FAM120A: variants seen among roughly 807,000 people sequenced by gnomAD.
FAM120A encodes constitutive coactivator of PPAR-gamma-like protein 1.
A neutral mutation model predicts 109.7 loss-of-function variants in FAM120A; 15 were observed. That is an observed-to-expected ratio of 0.14 (90% CI 0.09 to 0.21). The LOEUF is 0.21. FAM120A is among the 10% of genes least tolerant of loss of function. The pLI is 1.00. For missense variants in FAM120A, 899 were observed against 1,439.3 expected (o/e 0.62, Z 6.07); for synonymous variants, 493 against 572.8 (o/e 0.86, Z 1.99).
intron 15 of FAM120A, among the ~76,000 whole-genome samples, chr9:93,560,737 G>C (rs987105493): frequency 6.6e-6 from 1 of 152,240 alleles, no homozygotes; most frequent in African/African-American, 2.4e-5. Flanking sequence ...ATGATGTTCA[G>C]TTAAGGTAGT....
In FAM120A at chr9:93,558,575, C is replaced by T. The variant is rs1437158514; in HGVS notation, c.2669-6C>T. 1 of 1,614,090 alleles carries T rather than the reference C, an allele frequency of 6.2e-7. No homozygotes were observed. The highest frequency in any genetic ancestry group is 1.1e-5 in the South Asian group (1 of 91,086). ...CTCCCCTCTCTCTCTACCCCGGGTC[C>T]CACAGGCGTCTGTGGCTTTGGAGGC... On this transcript the variant is annotated splice_region_variant and splice_polypyrimidine_tract_variant and intron_variant, in intron 14 of 17. Transcript: ENST00000277165.
intron 1 of FAM120A, among the ~76,000 whole-genome samples, chr9:93,462,660 C>G (rs1348203306): frequency 1.3e-5 from 2 of 152,200 alleles, no homozygotes; most frequent in Non-Finnish European, 2.9e-5. Context: ...TCATCCCAAA[C>G]TGGAACTGTG....
rs1219720409 is a variant in FAM120A at position 93,514,517 on chromosome 9, C to G, written c.1031-1150C>G. Among the ~76,000 whole-genome samples the G allele has an allele frequency of 3.3e-5, 5 of 152,330 alleles. No homozygotes were observed. In the East Asian group the frequency reaches 9.6e-4, roughly 29 times the overall value. On this transcript the variant is annotated intron_variant, in intron 5 of 17. Transcript: ENST00000277165. ...CAAGCCCCTGGTGGATCTGTTGTGT[C>G]TCACACAGGTTTTCTATTTTCTCTG...
rs76262634 is a variant in FAM120A at position 93,556,825 on chromosome 9, G to A, written c.2484+234G>A. Among the ~76,000 whole-genome samples the A allele has an allele frequency of 6.7e-3, 1,017 of 152,230 alleles. 15 individuals carry two copies. Among genetic ancestry groups the A allele is most frequent in the African/African-American group, 0.024 (981 of 41,542 alleles). ...TAATGTTCTAAAATTCACCTTGAAC[G>A]CCAAATTAGTGAATACTGACCATTG... On this transcript the variant is annotated intron_variant, in intron 13 of 17. Transcript: ENST00000277165.
intron 1 of FAM120A, among the ~76,000 whole-genome samples, chr9:93,465,798 C>G (rs1354327504): frequency 6.6e-6 from 1 of 152,068 alleles, no homozygotes; most frequent in Non-Finnish European, 1.5e-5. Context: ...TTTTCTGTTC[C>G]GGGACCCTGG....
chr9:93,452,138 C>T lies in FAM120A; in HGVS notation c.223C>T (p.Leu75Phe), dbSNP rs1461832158. The T allele has an allele frequency of 1.2e-6, 2 of 1,611,622 alleles. No individual in the cohort carries two copies. Among genetic ancestry groups the T allele is most frequent in the Non-Finnish European group, 1.7e-6 (2 of 1,179,770 alleles). The change falls in exon 1 of 18, where the codon CTT becomes TTT. Residue 75 changes from leucine to phenylalanine, a missense_variant. This residue lies in a region of FAM120A where 258 missense variants were observed against 451.4 expected (regional missense o/e 0.57). Transcript: ENST00000277165. The surrounding 1 kb of genome is among the most constrained non-coding windows in gnomAD (Gnocchi z 7.0). ...WVSGGQWNHMLGYLAALAKAC... is the reference protein window; with the variant it reads ...WVSGGQWNHMFGYLAALAKAC... ...CAGCGGCGGCCAGTGGAACCACATG[C>T]TTGGCTACCTGGCGGCGCTGGCCAA...
Position 93,556,500 on chromosome 9 carries a change from C to T in FAM120A, c.2393C>T (p.Pro798Leu). 6.2e-7 allele frequency: 1 copy of T among 1,614,180 alleles called. No individual in the cohort carries two copies. The highest frequency in any genetic ancestry group is 1.3e-5 in the African/African-American group (1 of 75,032). ...CCAATCCCCTGGGAACACTGTTGTC[C>T]TTGGATGTATTTTGATGGGAAGCTC... ...GQPIPWEHCC[P>L]WMYFDGKLFQ... Residue 798 changes from proline to leucine, a missense_variant, in exon 13 of 18, where the codon CCT (proline) becomes CTT (leucine). This residue lies in a region of FAM120A where 31 missense variants were observed against 73.0 expected (regional missense o/e 0.42). Coordinates refer to ENST00000277165, the MANE Select transcript of FAM120A (RefSeq NM_014612.5).
At chr9:93,561,983 C>A (rs1043699729) in intron 16 of FAM120A, among the ~76,000 whole-genome samples, 1 of 152,168 alleles carries the variant, frequency 6.6e-6, no homozygotes, top group Non-Finnish European at 1.5e-5. Context: ...CCTGTTTACG[C>A]CTAGTGTTCC....
chr9:93,520,365 C>T (rs550616727), intron 7 of FAM120A, among the ~76,000 whole-genome samples: 30 of 152,246 alleles, frequency 2.0e-4, no homozygotes, highest in African/African-American at 7.0e-4. Context: ...CTCATCTCAT[C>T]TCTTAAAGGT....
intron 2 of FAM120A, 112 bp downstream of exon 2, chr9:93,471,499 A>C: frequency 7.4e-7 from 1 of 1,356,384 alleles, no homozygotes; most frequent in East Asian, 2.3e-5. Flanking sequence ...ACACATTGAA[A>C]AGAACCAAGG....
chr9:93,473,751 T>A (rs116456157), intron 2 of FAM120A, among the ~76,000 whole-genome samples: 1,619 of 152,350 alleles, frequency 0.011, 33 homozygotes, highest in African/African-American at 0.036. Flanking sequence ...CTCTTGTGCC[T>A]TTGGGGATTT....
intron 2 of FAM120A, among the ~76,000 whole-genome samples, chr9:93,473,204 A>T (rs756154843): frequency 1.3e-5 from 2 of 151,954 alleles, no homozygotes; most frequent in East Asian, 1.9e-4. Flanking sequence ...TTTAGTAGAG[A>T]CAGGGTTTCA....
chr9:93,474,222 CTG>C (rs1436137740), intron 2 of FAM120A, among the ~76,000 whole-genome samples: 4 of 152,084 alleles, frequency 2.6e-5, no homozygotes, highest in Admixed American at 2.6e-4. Flanking sequence ...GAGTCTCTCT[CTG>C]TTGCCTAGGC....
intron 3 of FAM120A, among the ~76,000 whole-genome samples, chr9:93,482,126 C>A (rs1274597345): frequency 6.6e-6 from 1 of 151,904 alleles, no homozygotes; most frequent in Non-Finnish European, 1.5e-5. Context: ...CCCTGAGGCA[C>A]CCGTATACCG....
Position 93,564,394 on chromosome 9 carries a change from G to A in FAM120A, c.3211G>A (p.Ala1071Thr), listed in dbSNP as rs756652801. 1.2e-5 allele frequency: 19 copies of A among 1,613,354 alleles called. No individual in the cohort carries two copies. Among genetic ancestry groups the A allele is most frequent in the Admixed American group, 8.3e-5 (5 of 59,998 alleles). ...CCAGATGAACGGGAGCACGGGTGACGCCAGGGCCCCCAGCCACTCTGAAAG... is the reference window on the plus strand; with the variant it reads ...CCAGATGAACGGGAGCACGGGTGACACCAGGGCCCCCAGCCACTCTGAAAG... The part of the protein sequence containing the change: ...APQMNGSTGD[A>T]RAPSHSESAL... Residue 1071 changes from alanine to threonine, a missense_variant, in exon 18 of 18, where the codon GCC (alanine) becomes ACC (threonine). Coordinates refer to ENST00000277165, the MANE Select transcript of FAM120A (RefSeq NM_014612.5).
rs763011573 is a variant in FAM120A at position 93,532,112 on chromosome 9, C to T, written c.1735-43C>T. On this transcript the variant is annotated intron_variant, in intron 9 of 17. Coordinates refer to ENST00000277165, the MANE Select transcript of FAM120A (RefSeq NM_014612.5). This position sits in a 1 kb window ranked among gnomAD's most constrained non-coding sequence, Gnocchi z 4.3. ...TTCTGTGAGTGTATTGTAAATTCAA[C>T]ATGAAAAATGTGCAATGTTATTCTG... 3 of 1,570,974 alleles carry T rather than the reference C, an allele frequency of 1.9e-6. No individual in the cohort carries two copies. Among genetic ancestry groups the T allele is most frequent in the Non-Finnish European group, 2.6e-6 (3 of 1,144,918 alleles).
At chr9:93,537,244 A>G (rs751399870) in intron 10 of FAM120A, among the ~76,000 whole-genome samples, 39 of 152,288 alleles carry the variant, frequency 2.6e-4, no homozygotes, top group Admixed American at 1.0e-3. Context: ...GGTCGCTCCC[A>G]GTCACTGGGG....
chr9:93,543,301 C>T lies in FAM120A; in HGVS notation c.1989C>T (p.Ala663=). Residue 663 remains alanine, a synonymous_variant, in exon 11 of 18, where the codon GCC becomes GCT. Coordinates refer to ENST00000277165, the MANE Select transcript of FAM120A (RefSeq NM_014612.5). ...PQTPELVEAL[A]FREWTCPNLK... is the part of the protein sequence containing the mutation. Reference sequence around the variant, plus strand: ...CCCCGGAACTGGTTGAAGCTCTTGCCTTCAGGGAGTGGACCTGCCCCAACC... The same window carrying T: ...CCCCGGAACTGGTTGAAGCTCTTGCTTTCAGGGAGTGGACCTGCCCCAACC... 1 of 1,614,222 alleles carries T rather than the reference C, an allele frequency of 6.2e-7. No individual in the cohort carries two copies. Among genetic ancestry groups the T allele is most frequent in the Non-Finnish European group, 8.5e-7 (1 of 1,180,048 alleles).
intron 7 of FAM120A, among the ~76,000 whole-genome samples, chr9:93,525,399 C>T (rs1277545057): frequency 6.6e-6 from 1 of 152,146 alleles, no homozygotes; most frequent in East Asian, 1.9e-4. Context: ...CTCTTACCCT[C>T]CAAGAGCCCC....
Sources: allele counts gnomAD v4.1 joint callset (sites outside exome capture counted in the v4.1 genomes callset), GRCh38; gene constraint gnomAD v4.1.1; regional missense constraint gnomAD v4.1.1; non-coding constraint Gnocchi (gnomAD v3.1); transcripts MANE v1.5; gene names NCBI Gene and HGNC (gene_info 2026-07-23, HGNC 2026-07-21).